CSMD1: variants seen among roughly 807,000 people sequenced by gnomAD.
The protein encoded by CSMD1 is CUB and sushi domain-containing protein 1.
A neutral mutation model predicts 417.5 loss-of-function variants in CSMD1; 213 were observed. The ratio of observed to expected loss-of-function variants is 0.51; its 90% confidence interval spans 0.46 to 0.57. The LOEUF (loss-of-function observed/expected upper bound fraction) is 0.57. CSMD1 is among the 20% of genes least tolerant of loss of function. The pLI is 0.00. For missense variants in CSMD1, 6,923 were observed against 4,529.7 expected, an observed-to-expected ratio of 1.53 and a Z score of -15.17; for synonymous variants, 2,862 against 1,736.8, an observed-to-expected ratio of 1.65 and a Z score of -16.11.
intron 1 of CSMD1, among the ~76,000 whole-genome samples, chr8:4,724,583 C>T (rs922893550): frequency 6.7e-4 from 99 of 148,370 alleles, no homozygotes; most frequent in Middle Eastern, 7.4e-3. Context: ...CAGTGAAATT[C>T]TGTTGAAGAA....
intron 3 of CSMD1, among the ~76,000 whole-genome samples, chr8:4,325,035 C>A (rs1422155031): frequency 1.3e-5 from 2 of 152,104 alleles, no homozygotes; most frequent in Admixed American, 6.6e-5. Context: ...TGCACTGTGG[C>A]TCCTTAAAAT....
At chr8:4,353,659 G>A (rs1237285659) in intron 3 of CSMD1, among the ~76,000 whole-genome samples, 1 of 151,980 alleles carries the variant, frequency 6.6e-6, no homozygotes, top group Non-Finnish European at 1.5e-5. Context: ...TTCTCAATCT[G>A]CCTTTACTCA....
chr8:4,418,968 A>G (rs1797099704), intron 3 of CSMD1, among the ~76,000 whole-genome samples: 1 of 152,210 alleles, frequency 6.6e-6, no homozygotes, highest in African/African-American at 2.4e-5. Flanking sequence ...CTCTGCAAAG[A>G]GAACCTTCTA....
At chr8:3,796,032 T>C (rs1171386079) in intron 5 of CSMD1, among the ~76,000 whole-genome samples, 1 of 62,382 alleles carries the variant, frequency 1.6e-5, no homozygotes, top group African/African-American at 5.0e-5. Flanking sequence ...TGTATAGATA[T>C]AGATATATAT....
intron 3 of CSMD1, among the ~76,000 whole-genome samples, chr8:4,354,956 C>T (rs1801326610): frequency 6.8e-6 from 1 of 147,250 alleles, no homozygotes; most frequent in Non-Finnish European, 1.5e-5. Context: ...CGAATTCCAC[C>T]CAAACCCATG....
At chr8:3,240,848 C>T (rs1799450166) in intron 26 of CSMD1, among the ~76,000 whole-genome samples, 1 of 152,026 alleles carries the variant, frequency 6.6e-6, no homozygotes, top group South Asian at 2.1e-4. Flanking sequence ...GGTTCTAGAA[C>T]AGGTAAAACG....
chr8:3,044,063 A>G (rs894533472), intron 50 of CSMD1, among the ~76,000 whole-genome samples: 9 of 152,212 alleles, frequency 5.9e-5, no homozygotes, highest in African/African-American at 2.2e-4. Context: ...CTGGTGTACC[A>G]CAGCTAAAGA....
At chr8:2,953,937 T>A (rs75540700) in intron 65 of CSMD1, among the ~76,000 whole-genome samples, 2,713 of 152,350 alleles carry the variant, frequency 0.018, 64 homozygotes, top group African/African-American at 0.06. Flanking sequence ...GAACGACCAA[T>A]GTTTTCATTT....
intron 7 of CSMD1, among the ~76,000 whole-genome samples, chr8:3,643,387 G>T (rs535336410): frequency 2.6e-5 from 4 of 152,116 alleles, no homozygotes; most frequent in Non-Finnish European, 5.9e-5. Context: ...GACCTCCAGA[G>T]TCCCTGAGTG....
intron 39 of CSMD1, among the ~76,000 whole-genome samples, chr8:3,153,534 A>C (rs903005676): frequency 2.6e-5 from 4 of 152,228 alleles, no homozygotes; most frequent in Non-Finnish European, 5.9e-5. Flanking sequence ...AAAAAGGCCG[A>C]ATCAATGACA....
chr8:4,959,469 C>T (rs1809334488), intron 1 of CSMD1, among the ~76,000 whole-genome samples: 1 of 152,200 alleles, frequency 6.6e-6, no homozygotes, highest in Non-Finnish European at 1.5e-5. Context: ...AGAGGCAACG[C>T]CCTCAGGATA....
At chr8:4,606,086 A>G (rs553366914) in intron 2 of CSMD1, among the ~76,000 whole-genome samples, 3 of 152,236 alleles carry the variant, frequency 2.0e-5, no homozygotes, top group African/African-American at 7.2e-5. Context: ...GGGAGGCTAT[A>G]TCTCACGTTC....
chr8:3,763,170 C>T (rs138451404), intron 5 of CSMD1, among the ~76,000 whole-genome samples: 9 of 152,334 alleles, frequency 5.9e-5, no homozygotes, highest in African/African-American at 1.4e-4. Flanking sequence ...CACCCACACT[C>T]CCAGAGCCCT....
At chr8:4,413,061 G>T (rs544684924) in intron 3 of CSMD1, among the ~76,000 whole-genome samples, 1 of 152,108 alleles carries the variant, frequency 6.6e-6, no homozygotes, top group Non-Finnish European at 1.5e-5. Context: ...ACAAAATTAC[G>T]CATATAATTT....
At chr8:4,044,534 C>G (rs1478970126) in intron 3 of CSMD1, among the ~76,000 whole-genome samples, 1 of 152,208 alleles carries the variant, frequency 6.6e-6, no homozygotes, top group Non-Finnish European at 1.5e-5. Flanking sequence ...GAGCAGGACA[C>G]TTCATTCCAT....
intron 1 of CSMD1, among the ~76,000 whole-genome samples, chr8:4,658,266 G>A (rs1804366760): frequency 6.6e-6 from 1 of 151,990 alleles, no homozygotes; most frequent in African/African-American, 2.4e-5. Flanking sequence ...CGTGTAGGAA[G>A]GATAAACTCA....
chr8:3,838,255 T>C (rs1802832699), intron 5 of CSMD1, among the ~76,000 whole-genome samples: 2 of 151,900 alleles, frequency 1.3e-5, no homozygotes, highest in Non-Finnish European at 2.9e-5. Context: ...AATTCACAAG[T>C]CTGGGCATAA....
chr8:3,986,691 C>A (rs568671326), intron 5 of CSMD1, among the ~76,000 whole-genome samples: 7 of 152,134 alleles, frequency 4.6e-5, no homozygotes, highest in African/African-American at 1.7e-4. Context: ...ATTTTACAAG[C>A]ATTTTACCAT....
intron 5 of CSMD1, among the ~76,000 whole-genome samples, chr8:3,918,244 T>TTTGTTG: frequency 6.6e-6 from 1 of 152,024 alleles, no homozygotes; most frequent in South Asian, 2.1e-4. Context: ...TATGGTAGGT[T>TTTGTTG]TTGTTGTTGT....
Sources: allele counts gnomAD v4.1 joint callset (sites outside exome capture counted in the v4.1 genomes callset), GRCh38; gene constraint gnomAD v4.1.1; transcripts MANE v1.5; gene names NCBI Gene and HGNC (gene_info 2026-07-23, HGNC 2026-07-21).